PACRG: variants seen among roughly 807,000 people sequenced by gnomAD.
PACRG encodes parkin coregulated, also known as parkin coregulated gene protein.
Under a neutral mutation model 29.7 loss-of-function variants are expected in PACRG, and 29 were observed. The observed-to-expected ratio is 0.98, with a 90% CI of 0.73 to 1.33. The LOEUF is 1.33. PACRG is among the 40% of genes most tolerant of loss of function. The pLI is 0.00. For missense variants in PACRG, 279 were observed against 316.2 expected, an observed-to-expected ratio of 0.88 and a Z score of 0.89; for synonymous variants, 116 against 118.7, an observed-to-expected ratio of 0.98 and a Z score of 0.15.
intron 2 of PACRG, among the ~76,000 whole-genome samples, chr6:162,943,841 C>T (rs1798806638): frequency 6.6e-6 from 1 of 152,148 alleles, no homozygotes; most frequent in Admixed American, 6.5e-5. Context: ...GACTGGCCCA[C>T]CCAGCTCATT....
chr6:162,965,235 T>C (rs1800931641), intron 2 of PACRG, among the ~76,000 whole-genome samples: 1 of 152,214 alleles, frequency 6.6e-6, no homozygotes. Flanking sequence ...GAAGGATAGA[T>C]AGTAGAAGAC....
In PACRG at chr6:162,851,230, C is replaced by A. The variant is rs188998484; in HGVS notation, c.291+36949C>A. On this transcript the variant is annotated intron_variant, in intron 2 of 4. Transcript: ENST00000366888. Reference sequence around the variant, plus strand: ...CAGGGAGGTCCACTTAATAAATGCCCAGCTCTCTCTCCTGTCCTCTCCTGT... The same window carrying A: ...CAGGGAGGTCCACTTAATAAATGCCAAGCTCTCTCTCCTGTCCTCTCCTGT... Among the ~76,000 whole-genome samples the A allele has an allele frequency of 1.2e-3, 176 of 152,244 alleles. 2 individuals are homozygous for A. The highest frequency in any genetic ancestry group is 4.0e-3 in the African/African-American group (166 of 41,536).
intron 4 of PACRG, among the ~76,000 whole-genome samples, chr6:163,269,785 A>ACAGACAGACAGAAGG (rs1562349142): frequency 1.1e-5 from 1 of 93,798 alleles, no homozygotes; most frequent in Non-Finnish European, 2.3e-5. Flanking sequence ...AGACAGACAG[A>ACAGACAGACAGAAGG]AAGAAAGAAA....
chr6:163,273,109 G>A (rs1161869620), intron 4 of PACRG, among the ~76,000 whole-genome samples: 1 of 146,304 alleles, frequency 6.8e-6, no homozygotes, highest in Non-Finnish European at 1.5e-5. Flanking sequence ...TAGCCGGGAT[G>A]GTCTCGATCT....
At chr6:162,760,976 C>T (rs1265905463) in intron 1 of PACRG, among the ~76,000 whole-genome samples, 1 of 152,108 alleles carries the variant, frequency 6.6e-6, no homozygotes, top group Non-Finnish European at 1.5e-5. Flanking sequence ...GTCTAACTGC[C>T]AGCACTTACT....
intron 2 of PACRG, among the ~76,000 whole-genome samples, chr6:163,031,567 A>G (rs1240696914): frequency 6.6e-6 from 1 of 152,242 alleles, no homozygotes; most frequent in East Asian, 1.9e-4. Context: ...TTTACTAAAG[A>G]CAAATCAGCA....
chr6:162,912,987 G>A (rs1197626948), intron 2 of PACRG, among the ~76,000 whole-genome samples: 6 of 151,528 alleles, frequency 4.0e-5, no homozygotes, highest in African/African-American at 7.3e-5. Flanking sequence ...AGGATATTTC[G>A]ACTTCATATA....
Position 162,883,712 on chromosome 6 carries a change from G to GTGTGTA in PACRG, c.291+69434_291+69435insGTATGT, listed in dbSNP as rs148140118. Among the ~76,000 whole-genome samples the GTGTGTA allele has an allele frequency of 6.4e-4, 96 of 149,956 alleles. 1 individual carries two copies. In the South Asian group the frequency reaches 9.5e-3, roughly 15 times the overall value. On this transcript the variant is annotated intron_variant, in intron 2 of 4. Transcript: ENST00000366888. Reference sequence around the variant, plus strand: ...TGTGTGTGTGTGTGTGTGTGTGTGTGTGTATGTATGTATATATCTGCATAC... The same window carrying GTGTGTA: ...TGTGTGTGTGTGTGTGTGTGTGTGTGTGTGTATGTATGTATGTATATATCTGCATAC...
chr6:162,728,187 C>T lies in PACRG; in HGVS notation c.-49C>T. The T allele has an allele frequency of 6.3e-7, 1 of 1,592,524 alleles. No homozygotes were observed. Among genetic ancestry groups the T allele is most frequent in the Non-Finnish European group, 8.6e-7 (1 of 1,168,366 alleles). On this transcript the variant is annotated 5_prime_UTR_variant, in exon 1 of 5. Transcript: ENST00000366888. ...CTCCTGCTCACATCCGTAAAGCCCA[C>T]TGATTCTTTTACTACACTTTTTATG...
chr6:163,227,607 A>G (rs1416857458), intron 4 of PACRG, among the ~76,000 whole-genome samples: 2 of 152,200 alleles, frequency 1.3e-5, no homozygotes, highest in African/African-American at 4.8e-5. Flanking sequence ...CCATCGTTAC[A>G]GGACTTGCAC....
At chr6:163,184,534 A>G (rs1430570541) in intron 4 of PACRG, among the ~76,000 whole-genome samples, 1 of 152,214 alleles carries the variant, frequency 6.6e-6, no homozygotes, top group Non-Finnish European at 1.5e-5. Context: ...AAGAATTACT[A>G]AGGGCTTCGA....
At chr6:163,112,550 T>C (rs1459840401) in intron 4 of PACRG, among the ~76,000 whole-genome samples, 1 of 152,142 alleles carries the variant, frequency 6.6e-6, no homozygotes, top group Admixed American at 6.5e-5. Flanking sequence ...ACCCCCTTTT[T>C]CTTTTTTTCT....
intron 2 of PACRG, among the ~76,000 whole-genome samples, chr6:163,030,699 T>G (rs756251792): frequency 3.3e-5 from 5 of 152,208 alleles, no homozygotes; most frequent in Non-Finnish European, 7.3e-5. Flanking sequence ...TGGTTATTTC[T>G]TGATGATATG....
chr6:163,307,069 A>G (rs1412218208), intron 4 of PACRG, among the ~76,000 whole-genome samples: 2 of 152,148 alleles, frequency 1.3e-5, no homozygotes, highest in South Asian at 2.1e-4. Flanking sequence ...GTATGATCCC[A>G]TTGTTAGTGT....
chr6:162,799,352 A>G (rs1434907713), intron 1 of PACRG, among the ~76,000 whole-genome samples: 1 of 152,204 alleles, frequency 6.6e-6, no homozygotes, highest in Non-Finnish European at 1.5e-5. Flanking sequence ...TATATTCTTA[A>G]TATTTCTTTC....
At chr6:163,292,986 T>A (rs953001904) in intron 4 of PACRG, among the ~76,000 whole-genome samples, 1 of 152,226 alleles carries the variant, frequency 6.6e-6, no homozygotes, top group African/African-American at 2.4e-5. Flanking sequence ...AGATACAGAT[T>A]GATCCCGAAT....
intron 2 of PACRG, among the ~76,000 whole-genome samples, chr6:162,881,055 A>G (rs1331925465): frequency 6.6e-6 from 1 of 152,238 alleles, no homozygotes; most frequent in Non-Finnish European, 1.5e-5. Flanking sequence ...GTAGTTGCTA[A>G]CAGTGATGCT....
chr6:163,098,731 T>C (rs1256003721), intron 4 of PACRG, among the ~76,000 whole-genome samples: 1 of 152,188 alleles, frequency 6.6e-6, no homozygotes, highest in Non-Finnish European at 1.5e-5. Context: ...AATAAAAGAA[T>C]GGCTACTCCA....
chr6:163,068,659 C>T (rs1235535483), intron 3 of PACRG, among the ~76,000 whole-genome samples: 1 of 151,936 alleles, frequency 6.6e-6, no homozygotes, highest in Admixed American at 6.6e-5. Flanking sequence ...TCTCTTAGTT[C>T]TTTATCTTTT....
Sources: allele counts gnomAD v4.1 joint callset (sites outside exome capture counted in the v4.1 genomes callset), GRCh38; gene constraint gnomAD v4.1.1; transcripts MANE v1.5; gene names NCBI Gene and HGNC (gene_info 2026-07-23, HGNC 2026-07-21).